Variants in INSYN2A observed in about 807,000 individuals in gnomAD.
INSYN2A encodes the protein family with sequence similarity 196 member A.
Under a neutral mutation model 39.4 loss-of-function variants are expected in INSYN2A, and 17 were observed. That is an observed-to-expected ratio of 0.43 (90% CI 0.30 to 0.65). The LOEUF is 0.65. Ranked by LOEUF, INSYN2A falls within the 30% of genes least tolerant of loss-of-function variation. INSYN2A has a pLI of 0.14. For missense variants in INSYN2A, 595 were observed against 631.2 expected, an observed-to-expected ratio of 0.94 and a Z score of 0.61; for synonymous variants, 255 against 265.7, an observed-to-expected ratio of 0.96 and a Z score of 0.39.
At chr10:127,162,993 C>G (rs1468596794) in intron 4 of INSYN2A, among the ~76,000 whole-genome samples, 3 of 152,192 alleles carry the variant, frequency 2.0e-5, no homozygotes, top group Non-Finnish European at 2.9e-5. Flanking sequence ...CTGTTCTAAC[C>G]CGCATGCAAA....
At chr10:127,146,072 C>T (rs552809612) in intron 5 of INSYN2A, 51 of 514,674 alleles carry the variant, frequency 9.9e-5, no homozygotes, top group South Asian at 6.1e-4. Context: ...GACTGCGTCC[C>T]GTATTTACCC....
intron 5 of INSYN2A, among the ~76,000 whole-genome samples, chr10:127,147,306 C>G (rs531898384): frequency 6.6e-6 from 1 of 152,248 alleles, no homozygotes; most frequent in South Asian, 2.1e-4. Context: ...GCTGTTTGTC[C>G]TCCTAGTTCC....
intron 2 of INSYN2A, among the ~76,000 whole-genome samples, chr10:127,182,408 A>G (rs1279072499): frequency 1.3e-5 from 2 of 152,186 alleles, no homozygotes; most frequent in Admixed American, 6.5e-5. Context: ...GCAAGCATGC[A>G]TGCTTGGGGC....
chr10:127,191,412 A>G (rs1369594502), intron 2 of INSYN2A, among the ~76,000 whole-genome samples: 1 of 152,126 alleles, frequency 6.6e-6, no homozygotes, highest in Non-Finnish European at 1.5e-5. Context: ...CTGCATATCC[A>G]TCTACCTTCC....
intron 1 of INSYN2A, among the ~76,000 whole-genome samples, chr10:127,195,375 C>A (rs1203465250): frequency 6.6e-6 from 1 of 152,188 alleles, no homozygotes; most frequent in East Asian, 1.9e-4. Context: ...CACCGGGAAG[C>A]CCCGCGGCGC....
chr10:127,190,663 CT>C (rs797021509), intron 2 of INSYN2A, among the ~76,000 whole-genome samples: 34 of 14,240 alleles, frequency 2.4e-3, no homozygotes, highest in South Asian at 0.013. Flanking sequence ...GAAATCCTAT[CT>C]TCCCCCCCCC....
In INSYN2A at chr10:127,196,510, C is replaced by T. The variant is rs2057163093; in HGVS notation, c.-908G>A. ...TCCAGGTCCCAGCTACTCCGCGGAG[C>T]CGGGCGGCCAGAGGCGAGGGCGCCC... On this transcript the variant is annotated 5_prime_UTR_variant, in exon 1 of 6. Transcript: ENST00000522781. Among the ~76,000 whole-genome samples, 1 of 148,072 alleles carries T rather than the reference C, an allele frequency of 6.8e-6. No individual in the cohort carries two copies. The highest frequency in any genetic ancestry group is 1.5e-5 in the Non-Finnish European group (1 of 66,660).
chr10:127,168,629 T>C (rs1244849648), intron 4 of INSYN2A, among the ~76,000 whole-genome samples: 1 of 152,212 alleles, frequency 6.6e-6, no homozygotes, highest in African/African-American at 2.4e-5. Context: ...AAGACTTTGA[T>C]CTCTATTAAG....
chr10:127,178,090 G>A (rs1455646345), intron 2 of INSYN2A, among the ~76,000 whole-genome samples: 5 of 152,048 alleles, frequency 3.3e-5, no homozygotes, highest in Non-Finnish European at 5.9e-5. Flanking sequence ...TTCCATAAGG[G>A]GGAAGAAGAG....
intron 4 of INSYN2A, among the ~76,000 whole-genome samples, chr10:127,165,566 A>G (rs538410979): frequency 1.3e-5 from 2 of 152,200 alleles, no homozygotes; most frequent in African/African-American, 4.8e-5. Flanking sequence ...TTTCCAGCCT[A>G]TCTTTAAGGT....
chr10:127,144,792 C>G (rs1592207757), intron 5 of INSYN2A, among the ~76,000 whole-genome samples: 1 of 152,126 alleles, frequency 6.6e-6, no homozygotes, highest in African/African-American at 2.4e-5. Flanking sequence ...CCTTCCTTTA[C>G]CACTATTTTA....
intron 4 of INSYN2A, among the ~76,000 whole-genome samples, chr10:127,171,539 C>G (rs2054572138): frequency 6.6e-6 from 1 of 152,016 alleles, no homozygotes; most frequent in Non-Finnish European, 1.5e-5. Context: ...AGGTGCCTGC[C>G]CTCACTAGGA....
intron 5 of INSYN2A, among the ~76,000 whole-genome samples, chr10:127,141,003 G>A (rs2051189233): frequency 6.6e-6 from 1 of 152,142 alleles, no homozygotes; most frequent in African/African-American, 2.4e-5. Context: ...GACCTGTGGT[G>A]GGAGTGTTGG....
rs530681645 is a variant in INSYN2A at position 127,162,337 on chromosome 10, G to A, written c.1185-8414C>T. Among the ~76,000 whole-genome samples the A allele has an allele frequency of 2.0e-5, 3 of 152,330 alleles. No homozygotes were observed. In the East Asian group the frequency reaches 5.8e-4, roughly 29 times the overall value. Reference sequence around the variant, plus strand: ...GGGAGATCTATTTTTGTCATCCCATGTGAGAACTTGGAAGTAATATATCTC... The same window carrying A: ...GGGAGATCTATTTTTGTCATCCCATATGAGAACTTGGAAGTAATATATCTC... On this transcript the variant is annotated intron_variant, in intron 4 of 5. Coordinates refer to ENST00000522781, the MANE Select transcript of INSYN2A (RefSeq NM_001039762.3).
chr10:127,186,514 C>CCCCCCCCCCCCCCCCCCCCCCCA (rs2056267886), intron 2 of INSYN2A, among the ~76,000 whole-genome samples: 1 of 26,696 alleles, frequency 3.7e-5, no homozygotes, highest in African/African-American at 7.0e-5. Context: ...ACCGCCCCCC[C>CCCCCCCCCCCCCCCCCCCCCCCA]GCCCCCCCCC....
chr10:127,138,726 G>T (rs1592172475), intron 5 of INSYN2A, among the ~76,000 whole-genome samples: 1 of 152,202 alleles, frequency 6.6e-6, no homozygotes, highest in Non-Finnish European at 1.5e-5. Flanking sequence ...TGGCGTGCAA[G>T]CACAGAGCCA....
At chr10:127,188,206 G>A (rs572184433) in intron 2 of INSYN2A, among the ~76,000 whole-genome samples, 3 of 152,260 alleles carry the variant, frequency 2.0e-5, no homozygotes, top group Admixed American at 1.3e-4. Context: ...GCTGGGCTGT[G>A]CTGTGCACAA....
In INSYN2A at chr10:127,175,033, G is replaced by A. The variant is rs2054951291; in HGVS notation, c.1184+179C>T. Among the ~76,000 whole-genome samples the A allele has an allele frequency of 6.6e-6, 1 of 152,172 alleles. No homozygotes were observed. The highest frequency in any genetic ancestry group is 2.4e-5 in the African/African-American group (1 of 41,450). On this transcript the variant is annotated intron_variant, in intron 4 of 5. Coordinates refer to ENST00000522781, the MANE Select transcript of INSYN2A (RefSeq NM_001039762.3). This position sits in a 1 kb window ranked among gnomAD's most constrained non-coding sequence, Gnocchi z 6.3. ...CAGAAAGCGTATCGTGCAGGATGCA[G>A]TGACGTCTAGTATCATAAAATAATC...
chr10:127,150,951 T>C (rs1265415214), intron 5 of INSYN2A, among the ~76,000 whole-genome samples: 2 of 152,204 alleles, frequency 1.3e-5, no homozygotes, highest in South Asian at 4.1e-4. Flanking sequence ...AAGGCTGCCC[T>C]AACTTGAAAT....
Sources: allele counts gnomAD v4.1 joint callset (sites outside exome capture counted in the v4.1 genomes callset), GRCh38; gene constraint gnomAD v4.1.1; non-coding constraint Gnocchi (gnomAD v3.1); transcripts MANE v1.5; gene names NCBI Gene and HGNC (gene_info 2026-07-23, HGNC 2026-07-21).